Variants in RIN2 observed in about 807,000 individuals in gnomAD.
RIN2 encodes RAB5 interacting protein 2.
Under a neutral mutation model 78.0 loss-of-function variants are expected in RIN2, and 36 were observed. The observed-to-expected ratio is 0.46, with a 90% CI of 0.35 to 0.61. The LOEUF (loss-of-function observed/expected upper bound fraction) is 0.61. Ranked by LOEUF, RIN2 falls within the 20% of genes least tolerant of loss-of-function variation. The pLI, the probability that RIN2 is intolerant of heterozygous loss-of-function variation, is 0.00. For synonymous variants in RIN2, 466 were observed against 466.8 expected, an observed-to-expected ratio of 1.00 and a Z score of 0.02; for missense variants, 1,087 against 1,159.7, an observed-to-expected ratio of 0.94 and a Z score of 0.91.
chr20:19,836,181 G>A lies in RIN2; in HGVS notation c.-37+36434G>A, dbSNP rs562048432. Among the ~76,000 whole-genome samples the A allele has an allele frequency of 4.0e-4, 61 of 152,252 alleles. 1 individual carries two copies. The highest frequency in any genetic ancestry group is 1.4e-3 in the African/African-American group (59 of 41,554). On this transcript the variant is annotated intron_variant, in intron 2 of 12. Transcript: ENST00000255006. Reference sequence around the variant, plus strand: ...CATCAGATGCTGCACAATCCATGTCGACTGCAGACCACTAGGCAAAATGGG... The same window carrying A: ...CATCAGATGCTGCACAATCCATGTCAACTGCAGACCACTAGGCAAAATGGG...
At chr20:19,798,146 C>T (rs770149547) in intron 1 of RIN2, among the ~76,000 whole-genome samples, 6 of 152,100 alleles carry the variant, frequency 3.9e-5, no homozygotes, top group Non-Finnish European at 7.4e-5. Context: ...CCACCACGCC[C>T]GGCCTATTCT....
At chr20:19,862,016 ATGATCACCCTCCATATC>A (rs1169513871) in intron 2 of RIN2, among the ~76,000 whole-genome samples, 13 of 133,492 alleles carry the variant, frequency 9.7e-5, no homozygotes, top group Non-Finnish European at 1.8e-4. Flanking sequence ...TCCATATCTG[ATGATCACCCTCCATATC>A]TGATCACCCT....
intron 2 of RIN2, among the ~76,000 whole-genome samples, chr20:19,855,453 A>G (rs555416632): frequency 6.6e-6 from 1 of 152,272 alleles, no homozygotes; most frequent in Non-Finnish European, 1.5e-5. Flanking sequence ...TTCAGAAGGA[A>G]TGGTGCCAGC....
At chr20:19,876,819 C>T (rs1043840602) in intron 2 of RIN2, among the ~76,000 whole-genome samples, 2 of 151,414 alleles carry the variant, frequency 1.3e-5, no homozygotes, top group Non-Finnish European at 2.9e-5. Context: ...GCAGGAGAAT[C>T]GCTTGAACCC....
At chr20:19,913,946 T>C (rs2039579020) in intron 3 of RIN2, among the ~76,000 whole-genome samples, 1 of 152,210 alleles carries the variant, frequency 6.6e-6, no homozygotes, top group Non-Finnish European at 1.5e-5. Context: ...CGAATAAAAA[T>C]ATTAAAACCT....
intron 2 of RIN2, among the ~76,000 whole-genome samples, chr20:19,880,245 T>C (rs1296080100): frequency 8.2e-6 from 1 of 121,372 alleles, no homozygotes; most frequent in Non-Finnish European, 1.7e-5. Flanking sequence ...AGTGAGACTC[T>C]GTCTTAAAAA....
intron 2 of RIN2, among the ~76,000 whole-genome samples, chr20:19,881,486 GC>G (rs2123440250): frequency 6.6e-6 from 1 of 152,248 alleles, no homozygotes; most frequent in South Asian, 2.1e-4. Flanking sequence ...TATCCTAGAG[GC>G]TAATTTATTA....
intron 2 of RIN2, among the ~76,000 whole-genome samples, chr20:19,829,630 C>A (rs1042925006): frequency 2.0e-5 from 3 of 152,114 alleles, no homozygotes; most frequent in African/African-American, 7.2e-5. Context: ...TCGCCTCTAG[C>A]TGGTTTAGGC....
At chr20:19,873,064 T>G (rs1363956594) in intron 2 of RIN2, among the ~76,000 whole-genome samples, 2 of 152,086 alleles carry the variant, frequency 1.3e-5, no homozygotes, top group African/African-American at 4.8e-5. Flanking sequence ...AAATAGCACT[T>G]ACATACAAAT....
chr20:19,963,935 C>T (rs2041852429), intron 6 of RIN2, among the ~76,000 whole-genome samples: 1 of 140,606 alleles, frequency 7.1e-6, no homozygotes, highest in African/African-American at 2.7e-5. Flanking sequence ...TCTATCTTGG[C>T]TCACTGCAAC....
chr20:19,965,288 C>G (rs1244422468), intron 7 of RIN2, among the ~76,000 whole-genome samples: 1 of 152,144 alleles, frequency 6.6e-6, no homozygotes, highest in East Asian at 1.9e-4. Context: ...GCTCCCAAGG[C>G]TCCTTTCAGC....
intron 1 of RIN2, among the ~76,000 whole-genome samples, chr20:19,795,604 T>C (rs1345619154): frequency 1.3e-5 from 2 of 152,222 alleles, no homozygotes; most frequent in African/African-American, 2.4e-5. Flanking sequence ...GGTTCTAGGC[T>C]GGAAAACAGC....
At chr20:19,766,218 G>C (rs766355057) in intron 1 of RIN2, among the ~76,000 whole-genome samples, 1 of 152,010 alleles carries the variant, frequency 6.6e-6, no homozygotes, top group African/African-American at 2.4e-5. Context: ...CACTGTCTCT[G>C]GGCACACCTC....
intron 1 of RIN2, among the ~76,000 whole-genome samples, chr20:19,777,292 C>A (rs1476165603): frequency 6.6e-6 from 1 of 152,244 alleles, no homozygotes; most frequent in Non-Finnish European, 1.5e-5. Context: ...CCCACTAGGC[C>A]CCTTCTGCTT....
intron 3 of RIN2, among the ~76,000 whole-genome samples, chr20:19,901,036 G>C (rs536794619): frequency 2.0e-5 from 3 of 150,436 alleles, no homozygotes; most frequent in Non-Finnish European, 3.0e-5. Flanking sequence ...ATAAGGCCCA[G>C]CTCTCTCCTG....
At chr20:19,961,501 G>C (rs895258525) in intron 6 of RIN2, among the ~76,000 whole-genome samples, 1 of 152,154 alleles carries the variant, frequency 6.6e-6, no homozygotes, top group Non-Finnish European at 1.5e-5. Flanking sequence ...GCACATCAAA[G>C]GGGGAGGAGT....
chr20:19,835,401 C>G (rs2036391468), intron 2 of RIN2, among the ~76,000 whole-genome samples: 1 of 152,114 alleles, frequency 6.6e-6, no homozygotes, highest in Non-Finnish European at 1.5e-5. Context: ...CCTTCAACTT[C>G]ATTAAAATTT....
rs537547689 is a variant in RIN2, at chr20:19,958,666, C to T, written c.351+1859C>T. Among the ~76,000 whole-genome samples the T allele has an allele frequency of 1.4e-3, 211 of 152,272 alleles. 1 individual carries two copies. The highest frequency in any genetic ancestry group is 4.7e-3 in the African/African-American group (196 of 41,562). ...AGCAGATCACTTGAGATCAGGAGTTCGAGACCAGCCTGGCCAACATGGCGA... is the reference window on the plus strand; with the variant it reads ...AGCAGATCACTTGAGATCAGGAGTTTGAGACCAGCCTGGCCAACATGGCGA... On this transcript the variant is annotated intron_variant, in intron 5 of 12. Transcript: ENST00000255006.
chr20:19,959,443 G>T (rs956642016), intron 5 of RIN2, among the ~76,000 whole-genome samples: 2 of 152,134 alleles, frequency 1.3e-5, no homozygotes, highest in African/African-American at 4.8e-5. Flanking sequence ...GTGTCCCAGA[G>T]GCACTGACTC....
Sources: allele counts gnomAD v4.1 joint callset (sites outside exome capture counted in the v4.1 genomes callset), GRCh38; gene constraint gnomAD v4.1.1; transcripts MANE v1.5; gene names NCBI Gene and HGNC (gene_info 2026-07-23, HGNC 2026-07-21).